The following NLRP13 variants were observed in gnomAD, a reference collection of about 807,000 sequenced individuals.
NLRP13 encodes the protein NACHT, LRR and PYD domains-containing protein 13.
NLRP13 carries 82 observed loss-of-function variants against 94.4 expected under a neutral mutation model. The observed-to-expected ratio is 0.87, with a 90% CI of 0.73 to 1.04. The LOEUF is 1.04. NLRP13 is among the 50% of genes least tolerant of loss of function. The pLI is 0.00. For synonymous variants in NLRP13, 553 were observed against 464.7 expected (o/e 1.19, Z -2.45); for missense variants, 1,426 against 1,230.8 (o/e 1.16, Z -2.37).
chr19:55,926,121 T>A (rs1486549589), intron 1 of NLRP13, among the ~76,000 whole-genome samples: 3 of 152,218 alleles, frequency 2.0e-5, no homozygotes, highest in Non-Finnish European at 2.9e-5. Flanking sequence ...AAAAGCCAAC[T>A]GTTTGACATG....
chr19:55,923,106 G>A (rs1279750971), intron 4 of NLRP13, among the ~76,000 whole-genome samples: 1 of 152,132 alleles, frequency 6.6e-6, no homozygotes, highest in African/African-American at 2.4e-5. Context: ...AATCTCCATA[G>A]GGCCACTGGT....
At chr19:55,897,233 C>T (rs974009430) in intron 10 of NLRP13, among the ~76,000 whole-genome samples, 6 of 152,056 alleles carry the variant, frequency 3.9e-5, no homozygotes, top group African/African-American at 9.7e-5. Context: ...AACTATTACA[C>T]GCTGGCCAGG....
intron 1 of NLRP13, 66 bp from the exon 2 acceptor site, chr19:55,925,101 G>C: frequency 7.1e-7 from 1 of 1,410,468 alleles, no homozygotes; most frequent in Non-Finnish European, 1.0e-6. Context: ...CAATAATGGA[G>C]TCTCTCAGTA....
chr19:55,913,255 G>A lies in NLRP13; in HGVS notation c.562C>T (p.Leu188=), dbSNP rs147979282. Residue 188 remains leucine (L), a synonymous_variant, in exon 5 of 11, where the codon CTA becomes TTA. Coordinates refer to ENST00000342929, the MANE Select transcript of NLRP13 (RefSeq NM_176810.2). Reference sequence around the variant, plus strand: ...CTGATGTTGTCCCATGTCTCCAGTAGTTCAGCCTTCATGTTCTCTCTGTAT... The same window carrying A: ...CTGATGTTGTCCCATGTCTCCAGTAATTCAGCCTTCATGTTCTCTCTGTAT... The part of the protein sequence containing the change: ...RKYRENMKAE[L]LETWDNISWP... 33 of 1,614,114 alleles carry A rather than the reference G, an allele frequency of 2.0e-5. No homozygotes were observed. The African/African-American group carries it at 3.9e-4, about 19-fold the overall frequency.
rs760622525 is a variant in NLRP13, at chr19:55,932,166, T to C, written c.146A>G (p.Gln49Arg). The change falls in exon 1 of 11, where the codon CAG (glutamine) becomes CGG (arginine). Residue 49 changes from glutamine to arginine, a missense_variant. Gln to Arg is a conservative substitution (Grantham distance 43). Transcript: ENST00000342929. The part of the protein sequence containing the change: ...QQLMDFWSAP[Q>R]GHFPRIPWAN... ...CCAGGGGATACGCGGGAAGTGCCCC[T>C]GGGGGGCCGACCAGAAGTCCATCAG... 5 of 1,613,946 alleles carry C rather than the reference T, an allele frequency of 3.1e-6. No homozygotes were observed. The African/African-American group carries it at 6.7e-5, about 22-fold the overall frequency.
intron 4 of NLRP13, among the ~76,000 whole-genome samples, chr19:55,921,795 T>C (rs1986834937): frequency 6.6e-6 from 1 of 151,002 alleles, no homozygotes; most frequent in South Asian, 2.1e-4. Context: ...GGCCACAGAG[T>C]TGGAGATGAG....
At chr19:55,928,128 G>T (rs79455382) in intron 1 of NLRP13, among the ~76,000 whole-genome samples, 1 of 152,268 alleles carries the variant, frequency 6.6e-6, no homozygotes, top group South Asian at 2.1e-4. Flanking sequence ...TACTTGAGAG[G>T]TATCTTCCCC....
At chr19:55,895,723 C>G (rs1301813638), downstream of NLRP13, among the ~76,000 whole-genome samples, 1 of 152,118 alleles carries the variant, frequency 6.6e-6, no homozygotes, top group African/African-American at 2.4e-5. Context: ...AATTCAGTTC[C>G]CAGTCACACT....
At chr19:55,908,688 C>A (rs960038777) in intron 6 of NLRP13, among the ~76,000 whole-genome samples, 31 of 152,124 alleles carry the variant, frequency 2.0e-4, no homozygotes, top group African/African-American at 6.5e-4. Context: ...AACAAAATAC[C>A]ACATGTCCTC....
chr19:55,921,727 G>T (rs1342740219), intron 4 of NLRP13, among the ~76,000 whole-genome samples: 1 of 152,234 alleles, frequency 6.6e-6, no homozygotes, highest in Middle Eastern at 3.4e-3. Flanking sequence ...CCTAAAGTAG[G>T]AGCAGAGGGA....
chr19:55,912,339 G>T lies in NLRP13; in HGVS notation c.1478C>A (p.Ser493Tyr). 6.2e-7 allele frequency: 1 copy of T among 1,614,054 alleles called. No homozygotes were observed. Among genetic ancestry groups the T allele is most frequent in the Non-Finnish European group, 8.5e-7 (1 of 1,180,002 alleles). ...LCSLAIEGLW[S>Y]MNFTFNKEDT... The stretch of plus-strand genomic sequence containing the variant: ...TTCTTTGTTAAACGTGAAGTTCATA[G>T]ACCACAGCCCTTCTATGGCCAGACT... The change falls in exon 5 of 11, where the codon TCT (serine) becomes TAT (tyrosine). Residue 493 changes from serine (S) to tyrosine (Y), a missense_variant. By Grantham distance (144) the Ser-to-Tyr change is moderately radical. Transcript: ENST00000342929.
downstream of NLRP13, chr19:55,891,710 T>C (rs1985854414): frequency 5.2e-6 from 1 of 193,986 alleles, no homozygotes; most frequent in African/African-American, 2.3e-5. Flanking sequence ...TGCTTTGCTT[T>C]ATTGAATTCT....
intron 1 of NLRP13, among the ~76,000 whole-genome samples, chr19:55,927,799 C>T (rs923915569): frequency 6.6e-6 from 1 of 152,100 alleles, no homozygotes. Flanking sequence ...ATTGTGGCCC[C>T]GTGGTAAAAA....
chr19:55,908,918 T>TA (rs773601233), intron 6 of NLRP13, among the ~76,000 whole-genome samples: 39 of 152,282 alleles, frequency 2.6e-4, no homozygotes, highest in Admixed American at 5.2e-4. Context: ...AAATGTATTT[T>TA]AAAAAAATAA....
chr19:55,913,496 G>C (rs1986590831), intron 4 of NLRP13, among the ~76,000 whole-genome samples: 1 of 129,444 alleles, frequency 7.7e-6, no homozygotes, highest in Admixed American at 8.8e-5. Context: ...GTTGCAGTGA[G>C]CCGAGAGGCA....
At chr19:55,931,743 A>AAAGACAG (rs1987151277) in intron 1 of NLRP13, among the ~76,000 whole-genome samples, 1 of 142,322 alleles carries the variant, frequency 7.0e-6, no homozygotes, top group Non-Finnish European at 1.5e-5. Flanking sequence ...AGAAAGAAAG[A>AAAGACAG]AAAAGGCTTA....
Position 55,912,145 on chromosome 19 carries a change from G to T in NLRP13, c.1672C>A (p.Pro558Thr). The change falls in exon 5 of 11, where the codon CCC becomes ACC. Residue 558 changes from proline (P) to threonine (T), a missense_variant. Transcript: ENST00000342929. Reference sequence around the variant, plus strand: ...ATCTCTTGTGGCTTTGTGGAATGGGGAGGGAATTCTCTAGGTTCCTCTAGC... The same window carrying T: ...ATCTCTTGTGGCTTTGTGGAATGGGTAGGGAATTCTCTAGGTTCCTCTAGC... ...FVLEEPREFP[P>T]HSTKPQEMKM... is the part of the protein sequence containing the mutation. The T allele has an allele frequency of 6.2e-7, 1 of 1,614,198 alleles. No individual in the cohort carries two copies. The highest frequency in any genetic ancestry group is 8.5e-7 in the Non-Finnish European group (1 of 1,180,034).
rs371373020 is a variant in NLRP13, at chr19:55,910,550, G to A, written c.2282+13C>T. On this transcript the variant is annotated intron_variant, in intron 6 of 10. Transcript: ENST00000342929. ...TAGGGTATCTTCTTGAGCTGCTGGC[G>A]TCTCACACTTACGTCAGTTTCTGGA... 61 of 1,577,938 alleles carry A rather than the reference G, an allele frequency of 3.9e-5. No individual in the cohort carries two copies. The highest frequency in any genetic ancestry group is 2.5e-4 in the South Asian group (22 of 87,964).
chr19:55,898,212 GTTT>G (rs996847207), intron 10 of NLRP13, among the ~76,000 whole-genome samples: 2 of 28,072 alleles, frequency 7.1e-5, no homozygotes, highest in African/African-American at 1.5e-4. Flanking sequence ...TTTTGTTTTT[GTTT>G]TTTTTTTTTT....
Sources: gnomAD v4.1 joint callset for allele counts (sites outside exome capture counted in the v4.1 genomes callset) on GRCh38, gnomAD v4.1.1 for gene constraint, MANE v1.5 for transcripts, NCBI Gene and HGNC (gene_info 2026-07-23, HGNC 2026-07-21) for gene names.